Variants in DPYD observed in about 807,000 individuals in gnomAD.
DPYD encodes dihydropyrimidine dehydrogenase.
DPYD carries 109 observed loss-of-function variants against 116.2 expected under a neutral mutation model. The ratio of observed to expected loss-of-function variants is 0.94; its 90% CI spans 0.80 to 1.10. DPYD has a LOEUF of 1.10. DPYD is among the 50% of genes least tolerant of loss of function. DPYD has a pLI of 0.00. For synonymous variants in DPYD, 440 were observed against 432.0 expected (o/e 1.02, Z -0.23); for missense variants, 1,302 against 1,254.5 (o/e 1.04, Z -0.57).
chr1:97,376,281 T>G (rs548871639), intron 15 of DPYD, among the ~76,000 whole-genome samples: 8 of 152,324 alleles, frequency 5.3e-5, no homozygotes, highest in South Asian at 4.1e-4. Flanking sequence ...GCTGGAGTTG[T>G]CATAGTGTGT....
chr1:97,232,021 T>C (rs1661618268), intron 19 of DPYD, among the ~76,000 whole-genome samples: 1 of 152,244 alleles, frequency 6.6e-6, no homozygotes, highest in Admixed American at 6.5e-5. Flanking sequence ...TCTTCCTTTC[T>C]TCTTGATATC....
Position 97,920,927 on chromosome 1 carries a change from G to T in DPYD, c.-5C>A. On this transcript the variant is annotated 5_prime_UTR_variant, in exon 1 of 23. It adds an upstream start codon to the 5' untranslated region. Transcript: ENST00000370192. ...CTTACTGAGCACAGGGGCCATGGCA[G>T]TGCCTACAGTCTCGAGTCTGCCAGT... 1.3e-6 allele frequency: 2 copies of T among 1,585,908 alleles called. No homozygotes were observed. The highest frequency in any genetic ancestry group is 4.7e-5 in the East Asian group (2 of 42,546).
At chr1:97,631,091 G>T (rs1234458058) in intron 8 of DPYD, among the ~76,000 whole-genome samples, 1 of 152,064 alleles carries the variant, frequency 6.6e-6, no homozygotes, top group African/African-American at 2.4e-5. Context: ...ATTTTCATTT[G>T]CTGGAACCAC....
chr1:97,256,233 G>T (rs539459175), intron 18 of DPYD, among the ~76,000 whole-genome samples: 1 of 152,074 alleles, frequency 6.6e-6, no homozygotes, highest in African/African-American at 2.4e-5. Flanking sequence ...CCCAATAATA[G>T]CAGTCTTTAT....
chr1:97,647,283 C>T (rs969406734), intron 8 of DPYD, among the ~76,000 whole-genome samples: 11 of 151,996 alleles, frequency 7.2e-5, no homozygotes, highest in Admixed American at 7.2e-4. Flanking sequence ...TAAATTTTAA[C>T]ATTTATACAT....
chr1:97,903,537 C>T (rs1053438827), intron 1 of DPYD, among the ~76,000 whole-genome samples: 7 of 151,788 alleles, frequency 4.6e-5, no homozygotes, highest in African/African-American at 1.2e-4. Flanking sequence ...ACATGGACAA[C>T]GCTAAGTAAA....
At chr1:97,114,810 C>T (rs973524331) in intron 20 of DPYD, among the ~76,000 whole-genome samples, 12 of 152,110 alleles carry the variant, frequency 7.9e-5, no homozygotes, top group Non-Finnish European at 1.8e-4. Flanking sequence ...TCCTGTTAAC[C>T]ATCCAATGAT....
chr1:97,778,847 C>G (rs1222977460), intron 3 of DPYD, among the ~76,000 whole-genome samples: 1 of 152,068 alleles, frequency 6.6e-6, no homozygotes, highest in African/African-American at 2.4e-5. Context: ...AAAAAATCTA[C>G]AGGGAATTTT....
At chr1:97,545,892 T>C in intron 12 of DPYD, 3 of 1,076,160 alleles carry the variant, frequency 2.8e-6, no homozygotes, top group Admixed American at 1.7e-5. Context: ...ATAAGAAGTA[T>C]AAAATTTAAA....
intron 18 of DPYD, among the ~76,000 whole-genome samples, chr1:97,291,247 A>C (rs1159554813): frequency 8.6e-5 from 13 of 151,938 alleles, no homozygotes; most frequent in Non-Finnish European, 1.9e-4. Context: ...TGGGACTGTA[A>C]ACTAGTTCAA....
At chr1:97,141,983 G>C (rs1654260367) in intron 20 of DPYD, among the ~76,000 whole-genome samples, 3 of 152,082 alleles carry the variant, frequency 2.0e-5, no homozygotes, top group Non-Finnish European at 2.9e-5. Context: ...AACTGCTTAG[G>C]AACTCTCAAA....
intron 14 of DPYD, among the ~76,000 whole-genome samples, chr1:97,389,898 T>C (rs530320444): frequency 6.6e-6 from 1 of 151,480 alleles, no homozygotes; most frequent in African/African-American, 2.4e-5. Flanking sequence ...ATGGCTTCCA[T>C]TGTCATCCTT....
chr1:97,271,014 T>G (rs533631729), intron 18 of DPYD, among the ~76,000 whole-genome samples: 4 of 152,304 alleles, frequency 2.6e-5, no homozygotes, highest in Admixed American at 1.3e-4. Context: ...GATAAGTCCT[T>G]TGACAGAAAC....
intron 11 of DPYD, among the ~76,000 whole-genome samples, chr1:97,561,994 T>A (rs1261293539): frequency 6.6e-6 from 1 of 152,240 alleles, no homozygotes. Context: ...TTTATTTGCA[T>A]GCATCTTTCC....
chr1:97,311,174 T>G (rs1215561307), intron 16 of DPYD, among the ~76,000 whole-genome samples: 1 of 151,730 alleles, frequency 6.6e-6, no homozygotes, highest in African/African-American at 2.4e-5. Flanking sequence ...TATTGATATA[T>G]TTGAAGATAT....
At chr1:97,905,987 T>A (rs966269490) in intron 1 of DPYD, among the ~76,000 whole-genome samples, 1 of 151,984 alleles carries the variant, frequency 6.6e-6, no homozygotes, top group Non-Finnish European at 1.5e-5. Context: ...TACATCTTTT[T>A]AAGACTGGAA....
At chr1:97,133,051 T>A (rs1433619457) in intron 20 of DPYD, among the ~76,000 whole-genome samples, 1 of 152,074 alleles carries the variant, frequency 6.6e-6, no homozygotes, top group African/African-American at 2.4e-5. Context: ...TTTAAAAAAC[T>A]AGTTAGCTTG....
intron 19 of DPYD, among the ~76,000 whole-genome samples, chr1:97,206,641 TATA>T: frequency 7.6e-5 from 1 of 13,118 alleles, no homozygotes; most frequent in Non-Finnish European, 1.2e-4. Flanking sequence ...GGAGATTTTA[TATA>T]TATATATATA....
intron 19 of DPYD, among the ~76,000 whole-genome samples, chr1:97,213,180 T>A (rs925581402): frequency 6.6e-6 from 1 of 152,154 alleles, no homozygotes; most frequent in Non-Finnish European, 1.5e-5. Flanking sequence ...TATCTCTTAA[T>A]ACTACCAGAT....
Sources: allele counts gnomAD v4.1 joint callset (sites outside exome capture counted in the v4.1 genomes callset), GRCh38; gene constraint gnomAD v4.1.1; transcripts MANE v1.5; gene names NCBI Gene and HGNC (gene_info 2026-07-23, HGNC 2026-07-21).